Variants in PCDHGA2 observed in about 807,000 individuals in gnomAD.
PCDHGA2 encodes the protein protocadherin gamma-A2.
Under a neutral mutation model 59.2 loss-of-function variants are expected in PCDHGA2, and 40 were observed. The ratio of observed to expected loss-of-function variants is 0.68; its 90% CI spans 0.52 to 0.88. The LOEUF (loss-of-function observed/expected upper bound fraction) is 0.88. Among genes scored for constraint, PCDHGA2 ranks in the 40% least tolerant of loss-of-function variants. The probability of loss-of-function intolerance (pLI) is 0.00; values close to 1 mark genes in which losing one functional copy is unlikely to be tolerated. For synonymous variants in PCDHGA2, 560 were observed against 526.0 expected (o/e 1.06, Z -0.89); for missense variants, 1,226 against 1,204.0 (o/e 1.02, Z -0.27).
intron 1 of PCDHGA2, chr5:141,396,327 A>C (rs1370175057): frequency 6.6e-6 from 1 of 152,430 alleles, no homozygotes; most frequent in Non-Finnish European, 1.5e-5. Flanking sequence ...CTCTAAAAAA[A>C]CTATTATTAG....
chr5:141,469,049 G>A (rs916327969), intron 1 of PCDHGA2, among the ~76,000 whole-genome samples: 3 of 152,054 alleles, frequency 2.0e-5, no homozygotes, highest in African/African-American at 2.4e-5. Context: ...GGCCAAGGTG[G>A]GAGGATTGCT....
chr5:141,399,672 C>T (rs1322373656), intron 1 of PCDHGA2: 1 of 1,613,510 alleles, frequency 6.2e-7, no homozygotes, highest in Admixed American at 1.7e-5. Context: ...CGCAGCGCGC[C>T]TTTGACTACG....
At chr5:141,374,079 C>A in intron 1 of PCDHGA2, 2 of 1,518,304 alleles carry the variant, frequency 1.3e-6, no homozygotes, top group Non-Finnish European at 1.8e-6. Flanking sequence ...CCTAATAAGC[C>A]AGTAATGGCG....
chr5:141,402,369 A>C (rs1281295306), intron 1 of PCDHGA2, among the ~76,000 whole-genome samples: 1 of 152,066 alleles, frequency 6.6e-6, no homozygotes, highest in Non-Finnish European at 1.5e-5. Context: ...ACTTCCAAAC[A>C]AGATTGCACA....
intron 1 of PCDHGA2, chr5:141,423,804 T>A: frequency 8.1e-7 from 1 of 1,240,508 alleles, no homozygotes; most frequent in Non-Finnish European, 1.0e-6. Context: ...GAGCAATACA[T>A]GTGAGTTTTA....
At chr5:141,460,580 G>A (rs1037056676) in intron 1 of PCDHGA2, among the ~76,000 whole-genome samples, 7 of 152,160 alleles carry the variant, frequency 4.6e-5, no homozygotes, top group African/African-American at 1.4e-4. Flanking sequence ...ATGTAGGTGT[G>A]GGTTTTTTCT....
chr5:141,479,562 T>G (rs1176956064), intron 1 of PCDHGA2: 2 of 152,218 alleles, frequency 1.3e-5, no homozygotes, highest in Non-Finnish European at 2.9e-5. Flanking sequence ...TATCCAGTAG[T>G]GGGATGACAT....
intron 1 of PCDHGA2, chr5:141,393,114 CG>C: frequency 6.2e-7 from 1 of 1,613,418 alleles, no homozygotes; most frequent in Non-Finnish European, 8.5e-7. Flanking sequence ...TCAGAGCCCG[CG>C]GTGTCTGATA....
At chr5:141,498,803 C>T (rs916966107) in intron 2 of PCDHGA2, among the ~76,000 whole-genome samples, 5 of 151,982 alleles carry the variant, frequency 3.3e-5, no homozygotes, top group African/African-American at 1.2e-4. Flanking sequence ...TGTGGTGGTG[C>T]ACACCTGTAG....
In PCDHGA2 at chr5:141,375,801, C is replaced by T; in HGVS notation, c.2424+34406C>T. ...CCCGCCCTCCCCACAGACGGTTCCA[C>T]TGGCGTGGAGCTGGCGCCCCGCTCC... On this transcript the variant is annotated intron_variant, in intron 1 of 3. Transcript: ENST00000394576. The T allele has an allele frequency of 2.5e-6, 4 of 1,614,248 alleles. No homozygotes were observed. The East Asian group carries it at 8.9e-5, about 36-fold the overall frequency.
At chr5:141,433,358 C>CCTAT (rs3074541) in intron 1 of PCDHGA2, 148,925 of 502,316 alleles carry the variant, frequency 0.3, 18,760 homozygotes, top group East Asian at 0.33. Flanking sequence ...CTACTGTCTG[C>CCTAT]CTATCTATCT....
intron 1 of PCDHGA2, chr5:141,475,816 C>A (rs1051857446): frequency 1.5e-5 from 5 of 342,872 alleles, no homozygotes; most frequent in Admixed American, 9.0e-5. Context: ...AGTGAAGTTC[C>A]TGGCGCTAGC....
intron 1 of PCDHGA2, chr5:141,420,313 C>T (rs751944742): frequency 1.6e-5 from 23 of 1,434,756 alleles, no homozygotes; most frequent in Non-Finnish European, 2.2e-5. Flanking sequence ...TTTTATATTA[C>T]AATATGCCAA....
Position 141,395,397 on chromosome 5 carries a change from A to G in PCDHGA2, c.2424+54002A>G. ...GGTGTTACTATAAAATTGAACTCTAATAGTCATAGGTTATTGTTTCATTTG... is the reference window on the plus strand; with the variant it reads ...GGTGTTACTATAAAATTGAACTCTAGTAGTCATAGGTTATTGTTTCATTTG... On this transcript the variant is annotated intron_variant, in intron 1 of 3. Coordinates refer to ENST00000394576, the MANE Select transcript of PCDHGA2 (RefSeq NM_018915.4). The G allele has an allele frequency of 7.8e-6, 7 of 895,314 alleles. No individual in the cohort carries two copies. The South Asian group carries it at 9.5e-5, about 12-fold the overall frequency. 55.5% of individuals were successfully genotyped at this position (895,314 alleles called of 1,614,324 possible). A position where few individuals can be genotyped will look rare whatever the true frequency, so the allele number is the denominator to read the frequency against.
intron 1 of PCDHGA2, chr5:141,366,421 G>A: frequency 6.2e-7 from 1 of 1,614,150 alleles, no homozygotes; most frequent in Non-Finnish European, 8.5e-7. Flanking sequence ...TGGTGGCAGT[G>A]GCTGCAGTCT....
chr5:141,423,832 T>G, intron 1 of PCDHGA2: 113 of 1,253,376 alleles, frequency 9.0e-5, no homozygotes, highest in East Asian at 2.6e-4. Context: ...TTTCATGAGA[T>G]TACGATAATC....
rs559975786 is a variant in PCDHGA2, at chr5:141,406,591, A to G, written c.2424+65196A>G. Among the ~76,000 whole-genome samples, 5 of 152,282 alleles carry G rather than the reference A, an allele frequency of 3.3e-5. No homozygotes were observed. The East Asian group carries it at 9.6e-4, about 29-fold the overall frequency. On this transcript the variant is annotated intron_variant, in intron 1 of 3. Transcript: ENST00000394576. ...CTAGTAAACCAATTTTTTCCCTTTAATGGTGAAAGTTGTCACATCTTTTAT... is the reference window on the plus strand; with the variant it reads ...CTAGTAAACCAATTTTTTCCCTTTAGTGGTGAAAGTTGTCACATCTTTTAT...
chr5:141,425,530 A>G (rs1485711838), intron 1 of PCDHGA2, among the ~76,000 whole-genome samples: 1 of 152,246 alleles, frequency 6.6e-6, no homozygotes, highest in Non-Finnish European at 1.5e-5. Flanking sequence ...ACATGAAACA[A>G]TAATCCTTTT....
intron 1 of PCDHGA2, chr5:141,398,495 T>G: frequency 1.2e-6 from 2 of 1,610,214 alleles, no homozygotes; most frequent in Non-Finnish European, 1.7e-6. Context: ...AATGTGGAGA[T>G]CGAGGACATT....
Sources: gnomAD v4.1 joint callset for allele counts (sites outside exome capture counted in the v4.1 genomes callset) on GRCh38, gnomAD v4.1.1 for gene constraint, MANE v1.5 for transcripts, NCBI Gene and HGNC (gene_info 2026-07-23, HGNC 2026-07-21) for gene names.